The following TMEM181 variants were observed in gnomAD, a reference collection of about 807,000 sequenced individuals.
TMEM181 encodes the protein transmembrane protein 181.
In TMEM181, 39 loss-of-function variants were observed where a neutral mutation model predicts 71.9. The ratio of observed to expected loss-of-function variants is 0.54; its 90% CI spans 0.42 to 0.71. The LOEUF is 0.71. Among genes scored for constraint, TMEM181 ranks in the 30% least tolerant of loss-of-function variants. TMEM181 has a pLI of 0.00. For missense variants in TMEM181, 595 were observed against 583.0 expected (o/e 1.02, Z -0.21); for synonymous variants, 245 against 228.8 (o/e 1.07, Z -0.64).
chr6:158,632,201 C>CT lies in TMEM181; in HGVS notation c.*321dup, dbSNP rs1332986091. ...CGTTTTTAGTACAGTGAATTATGTA[C>CT]TTTTTTTTCCTGTAATCATTCACTG... On this transcript the variant is annotated 3_prime_UTR_variant, in exon 17 of 17. Transcript: ENST00000684151. 14 of 313,188 alleles carry CT rather than the reference C, an allele frequency of 4.5e-5. No individual in the cohort carries two copies. The highest frequency in any genetic ancestry group is 6.7e-5 in the Non-Finnish European group (11 of 164,642). The allele number at this position is 313,188 out of a possible 1,614,324, so 19.4% of individuals were successfully genotyped here. A position where few individuals can be genotyped will look rare whatever the true frequency, so the allele number is the denominator to read the frequency against.
At position 158,585,371 on chromosome 6, in the gene TMEM181, G is replaced by T. The variant is rs376062690; in HGVS notation, c.327G>T (p.Thr109=). The T allele has an allele frequency of 6.2e-7, 1 of 1,612,196 alleles. No individual in the cohort carries two copies. The highest frequency in any genetic ancestry group is 1.3e-5 in the African/African-American group (1 of 74,840). ...KVDGVAQDGT[T]MYIHNKVHNR... is the part of the protein sequence containing the mutation. ...ATGGTGTAGCTCAAGATGGAACCAC[G>T]ATGTACATTCATAACAAAGTTCACA... Residue 109 remains threonine (T), a synonymous_variant, in exon 5 of 17, where the codon ACG becomes ACT. Transcript: ENST00000684151.
chr6:158,550,535 A>G (rs1229230160), intron 1 of TMEM181, among the ~76,000 whole-genome samples: 1 of 151,916 alleles, frequency 6.6e-6, no homozygotes, highest in Non-Finnish European at 1.5e-5. Context: ...GCTTACCTGT[A>G]GTCTCAGCTA....
intron 2 of TMEM181, 30 bp from the exon 3 acceptor site, chr6:158,580,910 C>A: frequency 6.4e-7 from 1 of 1,569,010 alleles, no homozygotes; most frequent in Non-Finnish European, 8.7e-7. Flanking sequence ...TTGCTATAAT[C>A]TGCTTTTGTC....
chr6:158,570,898 A>G (rs1782767728), intron 1 of TMEM181, among the ~76,000 whole-genome samples: 1 of 149,148 alleles, frequency 6.7e-6, no homozygotes, highest in Admixed American at 6.7e-5. Context: ...ATTCTGCAGT[A>G]TTTTGTTTGT....
chr6:158,597,766 A>G lies in TMEM181; in HGVS notation c.493-7501A>G, dbSNP rs148410808. 6.6e-3 allele frequency among the ~76,000 whole-genome samples: 997 copies of G among 152,122 alleles called. 3 individuals carry two copies. Among genetic ancestry groups the G allele is most frequent in the Non-Finnish European group, 0.011 (720 of 67,978 alleles). ...AGCAGTCCTCCCTCCTTGGCCTCCC[A>G]AAGTGTTGGGATTACAGGTGTGAGC... On this transcript the variant is annotated intron_variant, in intron 6 of 16. Coordinates refer to ENST00000684151, the MANE Select transcript of TMEM181 (RefSeq NM_001376852.1).
Position 158,603,359 on chromosome 6 carries a change from C to T in TMEM181, c.493-1908C>T, listed in dbSNP as rs189942740. Among the ~76,000 whole-genome samples the T allele has an allele frequency of 8.7e-3, 1,326 of 152,200 alleles. 23 individuals are homozygous for T. Among genetic ancestry groups the T allele is most frequent in the African/African-American group, 0.03 (1,242 of 41,518 alleles). ...TCGTAAGGAGCGTGCAGCCTAGATC[C>T]CTCGCCTGCACAGTTGACAGCAGGT... On this transcript the variant is annotated intron_variant, in intron 6 of 16. Coordinates refer to ENST00000684151, the MANE Select transcript of TMEM181 (RefSeq NM_001376852.1).
chr6:158,604,947 T>C (rs1352177449), intron 6 of TMEM181, among the ~76,000 whole-genome samples: 2 of 151,970 alleles, frequency 1.3e-5, no homozygotes, highest in Non-Finnish European at 2.9e-5. Flanking sequence ...TTTTGGAACA[T>C]GTAGGATGTT....
intron 6 of TMEM181, among the ~76,000 whole-genome samples, chr6:158,594,122 T>C (rs1217061439): frequency 8.1e-6 from 1 of 123,870 alleles, no homozygotes; most frequent in Non-Finnish European, 1.7e-5. Context: ...TTTTTTTTTC[T>C]GAGACAGAGT....
chr6:158,573,483 C>T lies in TMEM181; in HGVS notation c.72C>T (p.Phe24=). ...KRHFVLVFVV[F]FICFGLTIFV... ...ACTTTGTCCTCGTGTTTGTCGTCTTCTTCATCTGCTTTGGCCTGACCATCT... is the reference window on the plus strand; with the variant it reads ...ACTTTGTCCTCGTGTTTGTCGTCTTTTTCATCTGCTTTGGCCTGACCATCT... The change falls in exon 2 of 17, where the codon TTC becomes TTT. Residue 24 remains phenylalanine, a synonymous_variant. Transcript: ENST00000684151. 1 of 1,607,398 alleles carries T rather than the reference C, an allele frequency of 6.2e-7. No individual in the cohort carries two copies. Among genetic ancestry groups the T allele is most frequent in the South Asian group, 1.1e-5 (1 of 89,676 alleles).
At chr6:158,550,840 T>A (rs1429388894) in intron 1 of TMEM181, among the ~76,000 whole-genome samples, 2 of 150,946 alleles carry the variant, frequency 1.3e-5, no homozygotes, top group East Asian at 3.9e-4. Context: ...TTTATAGTTT[T>A]TATAGTGTAT....
At chr6:158,616,508 C>A (rs1274762201) in intron 10 of TMEM181, among the ~76,000 whole-genome samples, 1 of 152,206 alleles carries the variant, frequency 6.6e-6, no homozygotes, top group Non-Finnish European at 1.5e-5. Context: ...CGGGCCAGAA[C>A]TTCCAATACT....
At chr6:158,598,248 C>A (rs1014303809) in intron 6 of TMEM181, among the ~76,000 whole-genome samples, 21 of 152,332 alleles carry the variant, frequency 1.4e-4, no homozygotes, top group Non-Finnish European at 2.8e-4. Context: ...ATCCTCAGCA[C>A]CCTGAGTCCT....
upstream of TMEM181, among the ~76,000 whole-genome samples, chr6:158,557,367 C>T (rs907889121): frequency 2.0e-5 from 3 of 151,952 alleles, no homozygotes; most frequent in African/African-American, 7.3e-5. Context: ...GAGACTCTGT[C>T]TCAAAAACAA....
At chr6:158,560,790 C>T (rs149200307) in intron 1 of TMEM181, among the ~76,000 whole-genome samples, 2,034 of 149,386 alleles carry the variant, frequency 0.014, 40 homozygotes, top group African/African-American at 0.047. Context: ...GAGTTTTATG[C>T]GTTTTACGAT....
At chr6:158,567,586 C>T (rs1782581910) in intron 1 of TMEM181, among the ~76,000 whole-genome samples, 1 of 152,192 alleles carries the variant, frequency 6.6e-6, no homozygotes, top group African/African-American at 2.4e-5. Context: ...ATTGAGGTAG[C>T]TTTGCTGGGA....
Position 158,589,660 on chromosome 6 carries a change from G to C in TMEM181, c.382-12G>C, listed in dbSNP as rs746854054. The stretch of plus-strand genomic sequence containing the variant: ...GCTTTCTTTAAAGGCAAATCTTTCT[G>C]TGTATTTGCAGAAATGTGCGGAGAT... On this transcript the variant is annotated splice_polypyrimidine_tract_variant and intron_variant, in intron 5 of 16. Coordinates refer to ENST00000684151, the MANE Select transcript of TMEM181 (RefSeq NM_001376852.1). 1 of 1,603,706 alleles carries C rather than the reference G, an allele frequency of 6.2e-7. No individual in the cohort carries two copies. Among genetic ancestry groups the C allele is most frequent in the South Asian group, 1.1e-5 (1 of 90,858 alleles).
At chr6:158,590,386 AC>A (rs990256995) in intron 6 of TMEM181, among the ~76,000 whole-genome samples, 10 of 151,818 alleles carry the variant, frequency 6.6e-5, no homozygotes, top group Non-Finnish European at 1.3e-4. Context: ...CAAAAAAAAA[AC>A]AGCTTTATCA....
chr6:158,589,805 C>T lies in TMEM181; in HGVS notation c.492+23C>T, dbSNP rs374141212. The stretch of plus-strand genomic sequence containing the variant: ...ACAGTAAGTATACCAGCTGACTGCA[C>T]GTTTCCATGGCTCATGTTCTAGTTC... On this transcript the variant is annotated intron_variant, in intron 6 of 16. Coordinates refer to ENST00000684151, the MANE Select transcript of TMEM181 (RefSeq NM_001376852.1). 111 of 1,492,900 alleles carry T rather than the reference C, an allele frequency of 7.4e-5. 1 individual carries two copies. Among genetic ancestry groups the T allele is most frequent in the Non-Finnish European group, 9.2e-5 (98 of 1,070,532 alleles). 92.5% of individuals were successfully genotyped at this position (1,492,900 alleles called of 1,614,324 possible). A position where few individuals can be genotyped will look rare whatever the true frequency, so the allele number is the denominator to read the frequency against.
chr6:158,612,701 A>G (rs926883093), intron 10 of TMEM181, among the ~76,000 whole-genome samples: 8 of 152,206 alleles, frequency 5.3e-5, no homozygotes, highest in Non-Finnish European at 7.3e-5. Context: ...TTCTTTCCCA[A>G]TGAGAGGCAG....
Sources: allele counts gnomAD v4.1 joint callset (sites outside exome capture counted in the v4.1 genomes callset), GRCh38; gene constraint gnomAD v4.1.1; transcripts MANE v1.5; gene names NCBI Gene and HGNC (gene_info 2026-07-23, HGNC 2026-07-21).